NOX5: variants seen among roughly 807,000 people sequenced by gnomAD.
NOX5 encodes the protein NADPH oxidase, EF-hand calcium binding domain 5.
NOX5 carries 76 observed loss-of-function variants against 85.7 expected under a neutral mutation model. That is an observed-to-expected ratio of 0.89 (90% CI 0.74 to 1.07). The LOEUF is 1.07. Ranked by LOEUF, NOX5 falls within the 50% of genes least tolerant of loss-of-function variation. NOX5 has a pLI of 0.00. For missense variants in NOX5, 973 were observed against 999.5 expected, an observed-to-expected ratio of 0.97 and a Z score of 0.36; for synonymous variants, 405 against 401.4, an observed-to-expected ratio of 1.01 and a Z score of -0.11.
In NOX5 at chr15:69,047,742, T is replaced by C; in HGVS notation, c.1818-88T>C. On this transcript the variant is annotated intron_variant, in intron 12 of 15. Transcript: ENST00000388866. ...TCATAGAGTGGGCTCTGCCACCCCA[T>C]CCTTGCTCCCTGTCCCCTGAACTGT... 4.1e-6 allele frequency: 6 copies of C among 1,452,980 alleles called. No individual in the cohort carries two copies. In the South Asian group the frequency reaches 6.0e-5, roughly 15 times the overall value. The allele number at this position is 1,452,980 out of a possible 1,614,324, so 90.0% of individuals were successfully genotyped here.
intron 13 of NOX5, 85 bp downstream of exon 13, chr15:69,047,996 G>C (rs1325790465): frequency 1.6e-6 from 2 of 1,224,952 alleles, no homozygotes; most frequent in Non-Finnish European, 2.4e-6. Flanking sequence ...CTGTGCAAAG[G>C]TGGGAGCGGA....
intron 9 of NOX5, among the ~76,000 whole-genome samples, chr15:69,041,389 G>C (rs1467697946): frequency 1.3e-5 from 2 of 152,154 alleles, no homozygotes; most frequent in African/African-American, 2.4e-5. Context: ...GTAACACCAG[G>C]TCATGAATTC....
intron 1 of NOX5, among the ~76,000 whole-genome samples, chr15:69,020,381 T>G (rs1176520606): frequency 6.6e-6 from 1 of 152,176 alleles, no homozygotes; most frequent in East Asian, 1.9e-4. Context: ...ACAAATTTCC[T>G]ATAATTTCTG....
At chr15:69,025,513 G>A in intron 1 of NOX5, among the ~76,000 whole-genome samples, 1 of 152,216 alleles carries the variant, frequency 6.6e-6, no homozygotes, top group Non-Finnish European at 1.5e-5. Context: ...GCCATTGGGT[G>A]ACTCAGTTTC....
At chr15:69,015,615 C>A (rs772813060) in intron 1 of NOX5, among the ~76,000 whole-genome samples, 6 of 152,176 alleles carry the variant, frequency 3.9e-5, no homozygotes, top group Non-Finnish European at 7.3e-5. Flanking sequence ...AGATTCCTGC[C>A]TCCTCCCCAC....
intron 11 of NOX5, 103 bp downstream of exon 11, chr15:69,046,969 A>G (rs185059573): frequency 4.0e-4 from 489 of 1,235,410 alleles, no homozygotes; most frequent in Non-Finnish European, 2.9e-4. Flanking sequence ...TGGGTACTCA[A>G]GCTCCTCAAA....
At chr15:69,039,106 C>G in intron 9 of NOX5, 117 bp downstream of exon 9, 1 of 1,173,132 alleles carries the variant, frequency 8.5e-7, no homozygotes, top group Non-Finnish European at 1.2e-6. Context: ...ACAAAGTCAG[C>G]CTCAAAAAGC....
chr15:69,056,550 C>T lies in NOX5; in HGVS notation c.2167-15C>T. 1 of 1,611,588 alleles carries T rather than the reference C, an allele frequency of 6.2e-7. No individual in the cohort carries two copies. The highest frequency in any genetic ancestry group is 1.1e-5 in the South Asian group (1 of 90,806). On this transcript the variant is annotated splice_polypyrimidine_tract_variant and intron_variant, in intron 15 of 15. Coordinates refer to ENST00000388866, the MANE Select transcript of NOX5 (RefSeq NM_024505.4). Reference sequence around the variant, plus strand: ...CTATCTTCCCTCTTCTCTTCCTCAACCCCACTGACTCCAGGTGTTCCAGAA... The same window carrying T: ...CTATCTTCCCTCTTCTCTTCCTCAATCCCACTGACTCCAGGTGTTCCAGAA...
chr15:69,017,205 G>A (rs1327558076), intron 1 of NOX5, among the ~76,000 whole-genome samples: 1 of 152,036 alleles, frequency 6.6e-6, no homozygotes, highest in Admixed American at 6.6e-5. Context: ...AGGCTGGAGT[G>A]CAGTGGCGTG....
intron 1 of NOX5, 99 bp from the exon 2 acceptor site, chr15:69,026,429 G>A (rs1236555733): frequency 6.7e-7 from 1 of 1,491,424 alleles, no homozygotes; most frequent in African/African-American, 1.4e-5. Flanking sequence ...GGAGGCTCAG[G>A]GCCCTAGTTA....
intron 4 of NOX5, 126 bp from the exon 5 acceptor site, chr15:69,032,917 G>A: frequency 7.6e-7 from 1 of 1,308,524 alleles, no homozygotes; most frequent in Non-Finnish European, 1.0e-6. Flanking sequence ...TCTGTTTCCT[G>A]GTGTGAAGAA....
rs533082111 is a variant in NOX5 at position 69,036,642 on chromosome 15, A to T, written c.1189-386A>T. ...ATTGCCCAAGATCACAAAGCTTCAG[A>T]AGGTGCTAAAATTGTCTTCTGCTAT... On this transcript the variant is annotated intron_variant, in intron 7 of 15. Coordinates refer to ENST00000388866, the MANE Select transcript of NOX5 (RefSeq NM_024505.4). Among the ~76,000 whole-genome samples the T allele has an allele frequency of 2.6e-5, 4 of 152,298 alleles. No homozygotes were observed. The South Asian group carries it at 8.3e-4, about 32-fold the overall frequency.
rs781056206 is a variant in NOX5, at chr15:69,033,272, A to C, written c.850A>C (p.Ile284Leu). ...GQCLNFDCSF[I>L]AVLMLRRCLT... is the part of the protein sequence containing the mutation. ...GTGCCTCAACTTCGACTGCAGCTTCATCGCGGTAGGCTCTGCCAGCACACG... is the reference window on the plus strand; with the variant it reads ...GTGCCTCAACTTCGACTGCAGCTTCCTCGCGGTAGGCTCTGCCAGCACACG... Residue 284 changes from isoleucine (I) to leucine (L), a missense_variant, in exon 5 of 16, where the codon ATC (isoleucine) becomes CTC (leucine). Physicochemically the swap from Ile to Leu is conservative, Grantham distance 5. Coordinates refer to ENST00000388866, the MANE Select transcript of NOX5 (RefSeq NM_024505.4). 18 of 1,594,250 alleles carry C rather than the reference A, an allele frequency of 1.1e-5. No homozygotes were observed. In the South Asian group the frequency reaches 1.3e-4, roughly 12 times the overall value.
intron 3 of NOX5, chr15:69,029,457 C>T (rs766900252): frequency 6.6e-6 from 1 of 152,194 alleles, no homozygotes; most frequent in Non-Finnish European, 1.5e-5. Flanking sequence ...CTGCTATGAA[C>T]ATTGGTGCAC....
At chr15:69,047,318 T>C in intron 11 of NOX5, 95 bp from the exon 12 acceptor site, 1 of 1,445,678 alleles carries the variant, frequency 6.9e-7, no homozygotes, top group Non-Finnish European at 9.1e-7. Flanking sequence ...TTTCTATATA[T>C]AAAGGGGGTT....
rs770136887 is a variant in NOX5, at chr15:69,042,613, G to A, written c.1505-50G>A. 5.6e-5 allele frequency: 89 copies of A among 1,580,520 alleles called. No homozygotes were observed. In the Middle Eastern group the frequency reaches 6.9e-4, roughly 12 times the overall value. On this transcript the variant is annotated intron_variant, in intron 9 of 15. Coordinates refer to ENST00000388866, the MANE Select transcript of NOX5 (RefSeq NM_024505.4). ...CCAGTGGGGTGAGGCTTGCTCCCTG[G>A]TGCCGGTCACTATGGACCTCCTTTC...
rs1189525884 is a variant in NOX5, at chr15:69,062,207, T to C, written c.*5511T>C. ...AGCACATTTCCTTCCCCACTGGCCC[T>C]GCCTTGGTTCAGTCCTTAAATTGCC... is the stretch of plus-strand genomic sequence containing the variant. On this transcript the variant is annotated 3_prime_UTR_variant, in exon 16 of 16. Coordinates refer to ENST00000388866, the MANE Select transcript of NOX5 (RefSeq NM_024505.4). The C allele has an allele frequency of 6.6e-6, 1 of 152,096 alleles. No homozygotes were observed. The highest frequency in any genetic ancestry group is 1.5e-5 in the Non-Finnish European group (1 of 68,030). The allele number at this position is 152,096 out of a possible 1,614,324, so 9.4% of individuals were successfully genotyped here.
Position 69,056,809 on chromosome 15 carries a change from C to T in NOX5, c.*113C>T, listed in dbSNP as rs1025751984. 6.7e-6 allele frequency: 9 copies of T among 1,338,798 alleles called. No homozygotes were observed. The African/African-American group carries it at 8.8e-5, about 13-fold the overall frequency. The allele number at this position is 1,338,798 out of a possible 1,614,324, so 82.9% of individuals were successfully genotyped here. A position where few individuals can be genotyped will look rare whatever the true frequency, so the allele number is the denominator to read the frequency against. On this transcript the variant is annotated 3_prime_UTR_variant, in exon 16 of 16. Transcript: ENST00000388866. ...GATGACCCACCCAATAAGACAAAGC[C>T]TAGGGACCCCCTAATCCTGCTCAAC... is the stretch of plus-strand genomic sequence containing the variant.
rs186933353 is a variant in NOX5 at position 69,042,972 on chromosome 15, G to A, written c.1647+167G>A. 4.1e-4 allele frequency among the ~76,000 whole-genome samples: 62 copies of A among 152,240 alleles called. 1 individual carries two copies. The highest frequency in any genetic ancestry group is 3.9e-3 in the Admixed American group (60 of 15,286). ...AACTCCGTGGTCCAAGAACCTTCTCGAAGTCTGACCACTCCAGATCCTTCC... is the reference window on the plus strand; with the variant it reads ...AACTCCGTGGTCCAAGAACCTTCTCAAAGTCTGACCACTCCAGATCCTTCC... On this transcript the variant is annotated intron_variant, in intron 10 of 15. Transcript: ENST00000388866.
Sources: allele counts gnomAD v4.1 joint callset (sites outside exome capture counted in the v4.1 genomes callset), GRCh38; gene constraint gnomAD v4.1.1; transcripts MANE v1.5; gene names NCBI Gene and HGNC (gene_info 2026-07-23, HGNC 2026-07-21).